MIA2: variants seen among roughly 807,000 people sequenced by gnomAD.
MIA2 encodes the protein melanoma inhibitory activity protein 2.
Under a neutral mutation model 167.8 loss-of-function variants are expected in MIA2, and 127 were observed. The observed-to-expected ratio is 0.76, with a 90% CI of 0.66 to 0.88. The LOEUF (loss-of-function observed/expected upper bound fraction) is 0.88, where lower values mean the gene tolerates loss of function less well. Ranked by LOEUF, MIA2 falls within the 40% of genes least tolerant of loss-of-function variation. The probability of loss-of-function intolerance (pLI) is 0.00; values close to 1 mark genes in which losing one functional copy is unlikely to be tolerated. For synonymous variants in MIA2, 552 were observed against 541.9 expected (o/e 1.02, Z -0.26); for missense variants, 1,690 against 1,624.7 (o/e 1.04, Z -0.69).
chr14:39,234,565 C>A (rs2053646207), intron 1 of MIA2, among the ~76,000 whole-genome samples: 1 of 151,828 alleles, frequency 6.6e-6, no homozygotes, highest in Non-Finnish European at 1.5e-5. Context: ...AAAGATAAAT[C>A]TAATTGATTC....
intron 7 of MIA2, 26 bp downstream of exon 7, chr14:39,277,091 G>C: frequency 6.3e-7 from 1 of 1,593,570 alleles, no homozygotes; most frequent in South Asian, 1.1e-5. Context: ...TATACTAAGA[G>C]AATGTTCATT....
chr14:39,352,902 AT>A (rs2074427360), downstream of MIA2, among the ~76,000 whole-genome samples: 1 of 152,022 alleles, frequency 6.6e-6, no homozygotes, highest in Non-Finnish European at 1.5e-5. Flanking sequence ...TCTTTTAGTG[AT>A]TTTTCAAGTA....
intron 28 of MIA2, among the ~76,000 whole-genome samples, chr14:39,349,887 C>T (rs1271041853): frequency 6.6e-6 from 1 of 152,004 alleles, no homozygotes; most frequent in Non-Finnish European, 1.5e-5. Context: ...ACAAAAATTA[C>T]ATAAAAATTA....
chr14:39,342,458 G>A (rs544905485), intron 25 of MIA2, among the ~76,000 whole-genome samples: 3 of 152,248 alleles, frequency 2.0e-5, no homozygotes, highest in African/African-American at 7.2e-5. Context: ...TGTGAATAGT[G>A]CCTCAATAAA....
intron 25 of MIA2, among the ~76,000 whole-genome samples, chr14:39,336,747 T>G (rs1351769376): frequency 6.6e-6 from 1 of 152,178 alleles, no homozygotes; most frequent in Non-Finnish European, 1.5e-5. Flanking sequence ...TTTAAAAATT[T>G]ATTAAAAAAT....
downstream of MIA2, among the ~76,000 whole-genome samples, chr14:39,354,903 C>T (rs1400353612): frequency 3.3e-5 from 5 of 152,040 alleles, no homozygotes; most frequent in Admixed American, 3.3e-4. Context: ...GGGCTCTGTT[C>T]TGTTCCATTG....
At chr14:39,282,560 T>C (rs948844728) in intron 9 of MIA2, among the ~76,000 whole-genome samples, 1 of 152,042 alleles carries the variant, frequency 6.6e-6, no homozygotes, top group African/African-American at 2.4e-5. Flanking sequence ...TCTTTTAACT[T>C]GTTCATCCCA....
intron 17 of MIA2, among the ~76,000 whole-genome samples, chr14:39,306,008 C>T (rs2063286798): frequency 6.6e-6 from 1 of 150,532 alleles, no homozygotes; most frequent in African/African-American, 2.4e-5. Flanking sequence ...GTTTGTTTTA[C>T]AATAGGGATG....
intron 6 of MIA2, among the ~76,000 whole-genome samples, chr14:39,259,758 T>C (rs2054998162): frequency 1.3e-5 from 2 of 148,686 alleles, no homozygotes; most frequent in South Asian, 2.2e-4. Context: ...GTGCACAACA[T>C]GCAGTTTTGT....
chr14:39,264,381 A>G (rs1281652791), intron 6 of MIA2, among the ~76,000 whole-genome samples: 1 of 152,106 alleles, frequency 6.6e-6, no homozygotes, highest in Non-Finnish European at 1.5e-5. Context: ...TGTCTTTGCT[A>G]TTGTGAATAG....
rs1363239214 is a variant in MIA2 at position 39,297,717 on chromosome 14, CAGAGAT to C, written c.2497-2141_2497-2136del. On this transcript the variant is annotated intron_variant, in intron 13 of 28. Coordinates refer to ENST00000640607, the MANE Select transcript of MIA2 (RefSeq NM_001329214.4). ...TGTGTGTTTGTGTGTGTGAAAGAGA[CAGAGAT>C]AGAGAATGAATGAGAGAGAATGAGA... 8.2e-5 allele frequency among the ~76,000 whole-genome samples: 7 copies of C among 85,734 alleles called. 1 individual carries two copies. The highest frequency in any genetic ancestry group is 2.3e-4 in the Admixed American group (2 of 8,826). The allele number at this position is 85,734 out of a possible 152,430, so 56.2% of individuals were successfully genotyped here.
chr14:39,376,875 G>A (rs1324159080), intron 23 of MIA2, among the ~76,000 whole-genome samples: 2 of 152,184 alleles, frequency 1.3e-5, no homozygotes, highest in Non-Finnish European at 2.9e-5. Flanking sequence ...AATCTGTGCT[G>A]TACACAAGAT....
chr14:39,265,736 A>G (rs998783129), intron 6 of MIA2: 7 of 257,916 alleles, frequency 2.7e-5, no homozygotes, highest in African/African-American at 1.6e-4. Flanking sequence ...ATTGAGTAAT[A>G]CAATGTTCTA....
chr14:39,331,767 T>C (rs1036017884), intron 25 of MIA2, among the ~76,000 whole-genome samples: 1 of 152,174 alleles, frequency 6.6e-6, no homozygotes, highest in Non-Finnish European at 1.5e-5. Context: ...TTTAAGAATA[T>C]TGCATATTGG....
intron 7 of MIA2, among the ~76,000 whole-genome samples, chr14:39,278,693 A>G (rs1012084151): frequency 2.6e-5 from 4 of 152,210 alleles, no homozygotes; most frequent in Non-Finnish European, 5.9e-5. Context: ...TATTTTGGAT[A>G]TTGGCATCAA....
intron 6 of MIA2, chr14:39,265,936 G>A: frequency 1.0e-6 from 1 of 982,658 alleles, no homozygotes; most frequent in Non-Finnish European, 1.2e-6. Context: ...TCTGATATTA[G>A]CATTTCCTGA....
At chr14:39,245,314 C>T (rs941881230) in intron 3 of MIA2, among the ~76,000 whole-genome samples, 1 of 151,942 alleles carries the variant, frequency 6.6e-6, no homozygotes, top group African/African-American at 2.4e-5. Context: ...CCCTGGGCCA[C>T]CCTGGAAGAA....
intron 28 of MIA2, 72 bp from the exon 29 acceptor site, chr14:39,350,026 C>T: frequency 1.7e-6 from 1 of 583,112 alleles, no homozygotes; most frequent in Non-Finnish European, 3.1e-6. Flanking sequence ...AAGTTATAAA[C>T]TTAATGATTT....
rs374408997 is a variant in MIA2 at position 39,302,166 on chromosome 14, C to T, written c.2657C>T (p.Ala886Val). The change falls in exon 15 of 29, where the codon GCT (alanine) becomes GTT (valine). Residue 886 changes from alanine (A) to valine (V), a missense_variant. By Grantham distance (64) the Ala-to-Val change is moderately conservative. Coordinates refer to ENST00000640607, the MANE Select transcript of MIA2 (RefSeq NM_001329214.4). Reference sequence around the variant, plus strand: ...CGCTTGTTAAAGATGAAAGATTGGGCTGCTATGCTTGGAGAAGACATAACG... The same window carrying T: ...CGCTTGTTAAAGATGAAAGATTGGGTTGCTATGCTTGGAGAAGACATAACG... ...TERLLKMKDWAAMLGEDITDD... is the reference protein window; with the variant it reads ...TERLLKMKDWVAMLGEDITDD... 6.2e-7 allele frequency: 1 copy of T among 1,613,674 alleles called. No homozygotes were observed. The highest frequency in any genetic ancestry group is 1.7e-5 in the Admixed American group (1 of 60,006).
Sources: allele counts gnomAD v4.1 joint callset (sites outside exome capture counted in the v4.1 genomes callset), GRCh38; gene constraint gnomAD v4.1.1; transcripts MANE v1.5; gene names NCBI Gene and HGNC (gene_info 2026-07-23, HGNC 2026-07-21).